Variants in KCNMB4 observed in about 807,000 individuals in gnomAD.
KCNMB4 encodes potassium calcium-activated channel subfamily M regulatory beta subunit 4, also known as calcium-activated potassium channel subunit beta-4.
Under a neutral mutation model 20.7 loss-of-function variants are expected in KCNMB4, and 3 were observed. That is an observed-to-expected ratio of 0.14 (90% confidence interval 0.07 to 0.37). KCNMB4 has a LOEUF of 0.37. KCNMB4 is among the 10% of genes least tolerant of loss of function. KCNMB4 has a pLI of 1.00. For missense variants in KCNMB4, 168 were observed against 265.9 expected, an observed-to-expected ratio of 0.63 and a Z score of 2.56; for synonymous variants, 110 against 113.4, an observed-to-expected ratio of 0.97 and a Z score of 0.19.
At chr12:70,407,460 CTTTTTTTTT>C (rs35371839) in intron 2 of KCNMB4, among the ~76,000 whole-genome samples, 3 of 64,166 alleles carry the variant, frequency 4.7e-5, no homozygotes, top group East Asian at 6.1e-4. Flanking sequence ...GTGCTGAATT[CTTTTTTTTT>C]TTTTTTTTTT....
intron 2 of KCNMB4, chr12:70,422,928 G>T (rs1869106226): frequency 1.1e-6 from 1 of 881,906 alleles, no homozygotes; most frequent in African/African-American, 1.8e-5. Flanking sequence ...TACTTTAGGA[G>T]ACTTGGTTGA....
intron 1 of KCNMB4, among the ~76,000 whole-genome samples, chr12:70,384,501 C>T (rs1312407694): frequency 6.6e-6 from 1 of 152,228 alleles, no homozygotes; most frequent in African/African-American, 2.4e-5. Flanking sequence ...AGGCCTCTCA[C>T]AGTCCCCGTT....
intron 1 of KCNMB4, among the ~76,000 whole-genome samples, chr12:70,374,512 A>T (rs1296063299): frequency 6.6e-6 from 1 of 152,214 alleles, no homozygotes; most frequent in Non-Finnish European, 1.5e-5. Flanking sequence ...TACAACACAT[A>T]AATTAATGTG....
chr12:70,399,632 A>G (rs534124799), intron 1 of KCNMB4, among the ~76,000 whole-genome samples: 2 of 152,356 alleles, frequency 1.3e-5, no homozygotes, highest in African/African-American at 4.8e-5. Flanking sequence ...TAAGAGAACT[A>G]CTTTGTCAGA....
rs1883496909 is a variant in KCNMB4, at chr12:70,366,630, CGGCGGCGGT to C, written c.-96_-88del. The C allele has an allele frequency of 2.5e-6, 2 of 806,000 alleles. No individual in the cohort carries two copies. The highest frequency in any genetic ancestry group is 3.3e-6 in the Non-Finnish European group (2 of 615,174). 49.9% of individuals were successfully genotyped at this position (806,000 alleles called of 1,614,324 possible). On this transcript the variant is annotated 5_prime_UTR_variant, in exon 1 of 3. Transcript: ENST00000258111. ...CGCCCACTCCCCTGCTGTCGCGCGGCGGCGGCGGTGGCGGCGGCGGCTCCTCCCGCCCGA... is the reference window on the plus strand; with the variant it reads ...CGCCCACTCCCCTGCTGTCGCGCGGCGGCGGCGGCGGCTCCTCCCGCCCGA...
intron 2 of KCNMB4, among the ~76,000 whole-genome samples, chr12:70,406,574 A>G (rs923353286): frequency 6.6e-6 from 1 of 152,204 alleles, no homozygotes; most frequent in African/African-American, 2.4e-5. Context: ...CTGCTGTGTG[A>G]ATCAGGTGCT....
At chr12:70,402,459 G>A (rs1047431836) in intron 2 of KCNMB4, among the ~76,000 whole-genome samples, 6 of 151,864 alleles carry the variant, frequency 4.0e-5, no homozygotes, top group East Asian at 1.9e-4. Flanking sequence ...CCTGGGCAGC[G>A]TAGGGAGACC....
chr12:70,423,020 A>G (rs987184531), intron 2 of KCNMB4, among the ~76,000 whole-genome samples: 4 of 152,198 alleles, frequency 2.6e-5, no homozygotes, highest in African/African-American at 4.8e-5. Flanking sequence ...AGCTACCGTA[A>G]GAATTTAATG....
At chr12:70,422,720 C>A (rs926133341) in intron 2 of KCNMB4, 3 of 1,288,902 alleles carry the variant, frequency 2.3e-6, no homozygotes, top group African/African-American at 1.5e-5. Context: ...TTGATGATTA[C>A]CCCTCTTTAT....
intron 1 of KCNMB4, among the ~76,000 whole-genome samples, chr12:70,372,916 G>C (rs996637012): frequency 1.3e-5 from 2 of 152,154 alleles, no homozygotes; most frequent in Admixed American, 1.3e-4. Context: ...TCATCTTGGT[G>C]GTGAGTAAAG....
chr12:70,407,685 T>C (rs1868647562), intron 2 of KCNMB4, among the ~76,000 whole-genome samples: 1 of 151,812 alleles, frequency 6.6e-6, no homozygotes. Flanking sequence ...GCCAGGATGG[T>C]CTCGATCTCC....
At chr12:70,415,762 A>G (rs1459593120) in intron 2 of KCNMB4, among the ~76,000 whole-genome samples, 1 of 152,040 alleles carries the variant, frequency 6.6e-6, no homozygotes, top group Non-Finnish European at 1.5e-5. Flanking sequence ...TGTCCATTGC[A>G]TTTTGAAATG....
rs561491442 is a variant in KCNMB4, at chr12:70,408,683, TC to T, written c.464+8349del. On this transcript the variant is annotated intron_variant, in intron 2 of 2. Coordinates refer to ENST00000258111, the MANE Select transcript of KCNMB4 (RefSeq NM_014505.6). ...GGGTGAATTCATGCCAAGGGTTGAGTCCATTTGTGGCCCTCCCATATAACCT... is the reference window on the plus strand; with the variant it reads ...GGGTGAATTCATGCCAAGGGTTGAGTCATTTGTGGCCCTCCCATATAACCT... 8.4e-4 allele frequency among the ~76,000 whole-genome samples: 128 copies of T among 152,134 alleles called. 2 individuals are homozygous for T. The South Asian group carries it at 0.018, about 21-fold the overall frequency.
At chr12:70,419,323 G>A (rs1042579943) in intron 2 of KCNMB4, among the ~76,000 whole-genome samples, 2 of 152,110 alleles carry the variant, frequency 1.3e-5, no homozygotes, top group African/African-American at 4.8e-5. Flanking sequence ...CCCCGTTTCT[G>A]GATGAAATCT....
At chr12:70,391,544 A>G (rs1220758592) in intron 1 of KCNMB4, among the ~76,000 whole-genome samples, 1 of 152,190 alleles carries the variant, frequency 6.6e-6, no homozygotes, top group Non-Finnish European at 1.5e-5. Context: ...GGGTTCAAGC[A>G]GTCCCCCTGC....
At chr12:70,418,185 T>G (rs1868959089) in intron 2 of KCNMB4, among the ~76,000 whole-genome samples, 1 of 152,100 alleles carries the variant, frequency 6.6e-6, no homozygotes, top group Non-Finnish European at 1.5e-5. Flanking sequence ...CTTGCCAGCC[T>G]TACAGACACC....
chr12:70,368,393 C>T (rs527932655), intron 1 of KCNMB4, among the ~76,000 whole-genome samples: 78 of 151,738 alleles, frequency 5.1e-4, no homozygotes, highest in African/African-American at 1.8e-3. Flanking sequence ...AAAAAATGCT[C>T]CTGTCGACAA....
chr12:70,424,806 T>G (rs920294087), intron 2 of KCNMB4, among the ~76,000 whole-genome samples: 1 of 152,142 alleles, frequency 6.6e-6, no homozygotes, highest in Non-Finnish European at 1.5e-5. Flanking sequence ...GTAGTCCCAC[T>G]ATAATTTATA....
intron 2 of KCNMB4, among the ~76,000 whole-genome samples, chr12:70,412,976 A>T (rs564741268): frequency 1.2e-4 from 19 of 152,360 alleles, no homozygotes; most frequent in African/African-American, 4.3e-4. Flanking sequence ...CTTAAAAAAC[A>T]AAACAGTAAA....
Sources: gnomAD v4.1 joint callset for allele counts (sites outside exome capture counted in the v4.1 genomes callset) on GRCh38, gnomAD v4.1.1 for gene constraint, MANE v1.5 for transcripts, NCBI Gene and HGNC (gene_info 2026-07-23, HGNC 2026-07-21) for gene names.